The following CAST variants were observed in gnomAD, a reference collection of about 807,000 sequenced individuals.
The protein encoded by CAST is calpastatin, also known as MIR583 host.
CAST carries 76 observed loss-of-function variants against 119.6 expected under a neutral mutation model. The observed-to-expected ratio is 0.64, with a 90% CI of 0.53 to 0.77. The LOEUF (loss-of-function observed/expected upper bound fraction) is 0.77. CAST is among the 30% of genes least tolerant of loss of function. The pLI, the probability that CAST is intolerant of heterozygous loss-of-function variation, is 0.00. For missense variants in CAST, 953 were observed against 946.5 expected (o/e 1.01, Z -0.09); for synonymous variants, 319 against 331.6 (o/e 0.96, Z 0.41).
the CAST span, among the ~76,000 whole-genome samples, chr5:96,377,203 A>G: frequency 2.0e-5 from 3 of 152,060 alleles, no homozygotes; most frequent in Non-Finnish European, 4.4e-5. Flanking sequence ...AATTAAATTT[A>G]TAAAGTAAAA....
chr5:96,454,904 C>T, the CAST span, among the ~76,000 whole-genome samples: 1 of 152,150 alleles, frequency 6.6e-6, no homozygotes, highest in Admixed American at 6.5e-5. Context: ...TGAAAGCAAG[C>T]ATTTGGCTCA....
chr5:96,392,653 G>C, the CAST span: 1 of 230,792 alleles, frequency 4.3e-6, no homozygotes, highest in Non-Finnish European at 8.5e-6. Context: ...CAAATTAATT[G>C]ATATCCCAGG....
intron 1 of CAST, among the ~76,000 whole-genome samples, chr5:96,554,123 C>A (rs1245927695): frequency 5.3e-5 from 8 of 152,166 alleles, no homozygotes; most frequent in South Asian, 2.1e-4. Context: ...AAGAACAAAG[C>A]CAGAGGCATC....
At chr5:96,066,429 T>C in the CAST span, among the ~76,000 whole-genome samples, 1 of 151,964 alleles carries the variant, frequency 6.6e-6, no homozygotes, top group African/African-American at 2.4e-5. Flanking sequence ...CTCTGCACTT[T>C]CTGCCTATTT....
At chr5:96,139,562 G>GTGTA in the CAST span, among the ~76,000 whole-genome samples, 1 of 149,224 alleles carries the variant, frequency 6.7e-6, no homozygotes, top group Non-Finnish European at 1.5e-5. Flanking sequence ...ATATATGTGT[G>GTGTA]TGTGTGCTTA....
the CAST span, chr5:96,421,861 C>T: frequency 7.7e-7 from 1 of 1,296,714 alleles, no homozygotes; most frequent in Non-Finnish European, 1.1e-6. Flanking sequence ...TTATTTCACA[C>T]AAATGCATAT....
chr5:96,689,519 G>T (rs1752477946), intron 2 of CAST, among the ~76,000 whole-genome samples: 1 of 152,180 alleles, frequency 6.6e-6, no homozygotes, highest in South Asian at 2.1e-4. Context: ...GAGCACCAGA[G>T]ATCATTTGAT....
chr5:96,326,926 T>C, the CAST span, among the ~76,000 whole-genome samples: 63 of 152,316 alleles, frequency 4.1e-4, no homozygotes, highest in South Asian at 2.5e-3. Context: ...TTTATCCGTC[T>C]GCTCAGAAGT....
At chr5:96,234,955 G>C in the CAST span, among the ~76,000 whole-genome samples, 1 of 152,134 alleles carries the variant, frequency 6.6e-6, no homozygotes, top group East Asian at 1.9e-4. Flanking sequence ...TCATAATGAA[G>C]ATACCAAATA....
At chr5:96,052,961 C>G in the CAST span, among the ~76,000 whole-genome samples, 188 of 152,194 alleles carry the variant, frequency 1.2e-3, 4 homozygotes, top group East Asian at 0.031. Context: ...TTAGAGCAGC[C>G]CTCTGAAGTG....
the CAST span, among the ~76,000 whole-genome samples, chr5:96,031,410 C>T: frequency 4.6e-5 from 7 of 152,040 alleles, no homozygotes; most frequent in African/African-American, 1.7e-4. Flanking sequence ...AGTAGTTTGT[C>T]ATCTAATGCT....
At chr5:96,480,427 T>C in the CAST span, among the ~76,000 whole-genome samples, 1 of 152,198 alleles carries the variant, frequency 6.6e-6, no homozygotes, top group Admixed American at 6.5e-5. Flanking sequence ...TCTAGACAGA[T>C]TGATTTTATA....
chr5:96,106,083 C>A, the CAST span, among the ~76,000 whole-genome samples: 2 of 151,988 alleles, frequency 1.3e-5, no homozygotes, highest in Non-Finnish European at 1.5e-5. Context: ...GTGGTGATAT[C>A]CCCTTTATCA....
At chr5:96,206,798 A>G in the CAST span, among the ~76,000 whole-genome samples, 1 of 151,838 alleles carries the variant, frequency 6.6e-6, no homozygotes, top group Non-Finnish European at 1.5e-5. Flanking sequence ...TCTTCATATT[A>G]GTTCTCTATG....
At chr5:95,996,768 G>A in the CAST span, among the ~76,000 whole-genome samples, 1 of 152,058 alleles carries the variant, frequency 6.6e-6, no homozygotes, top group Non-Finnish European at 1.5e-5. Context: ...TGGGTCCCAG[G>A]AATCTACATT....
chr5:96,017,947 T>C, the CAST span, among the ~76,000 whole-genome samples: 1 of 152,214 alleles, frequency 6.6e-6, no homozygotes, highest in Admixed American at 6.5e-5. Context: ...CATCTTGTTT[T>C]GAAAAATCCT....
At chr5:96,078,470 T>G in the CAST span, among the ~76,000 whole-genome samples, 1 of 152,046 alleles carries the variant, frequency 6.6e-6, no homozygotes, top group Non-Finnish European at 1.5e-5. Flanking sequence ...CTCAGCTCAC[T>G]GCAACCTCCG....
the CAST span, among the ~76,000 whole-genome samples, chr5:96,273,119 C>T: frequency 6.6e-6 from 1 of 152,188 alleles, no homozygotes; most frequent in African/African-American, 2.4e-5. Flanking sequence ...AAGAACTTGT[C>T]TTGATGGAGT....
Position 96,736,155 on chromosome 5 carries a change from T to C in CAST, c.631-17T>C. ...TTAAGGTATGTGAGGAGTTGTTAAT[T>C]TCTCAATTCTCACCAGAAAAAAGAA... On this transcript the variant is annotated splice_polypyrimidine_tract_variant and intron_variant, in intron 9 of 31. Transcript: ENST00000675179. 6.4e-7 allele frequency: 1 copy of C among 1,571,572 alleles called. No homozygotes were observed. The highest frequency in any genetic ancestry group is 8.7e-7 in the Non-Finnish European group (1 of 1,146,218).
Sources: gnomAD v4.1 joint callset for allele counts (sites outside exome capture counted in the v4.1 genomes callset) on GRCh38, gnomAD v4.1.1 for gene constraint, MANE v1.5 for transcripts, NCBI Gene and HGNC (gene_info 2026-07-23, HGNC 2026-07-21) for gene names.